Variants in CHST11 observed in about 807,000 individuals in gnomAD.
CHST11 encodes C4S-1.
A neutral mutation model predicts 30.4 loss-of-function variants in CHST11; 9 were observed. The ratio of observed to expected loss-of-function variants is 0.30; its 90% confidence interval spans 0.18 to 0.52. The LOEUF (loss-of-function observed/expected upper bound fraction) is 0.52, where lower values mean the gene tolerates loss of function less well. Ranked by LOEUF, CHST11 falls within the 20% of genes least tolerant of loss-of-function variation. CHST11 has a pLI of 0.97. For missense variants in CHST11, 348 were observed against 460.6 expected (o/e 0.76, Z 2.24); for synonymous variants, 152 against 187.8 (o/e 0.81, Z 1.56).
rs2037377921 is a variant in CHST11 at position 104,458,525 on chromosome 12, C to T, written c.118+996C>T. Among the ~76,000 whole-genome samples the T allele has an allele frequency of 6.6e-6, 1 of 152,064 alleles. No homozygotes were observed. The highest frequency in any genetic ancestry group is 1.5e-5 in the Non-Finnish European group (1 of 67,994). On this transcript the variant is annotated intron_variant, in intron 1 of 2. Transcript: ENST00000303694. This position sits in a 1 kb window ranked among gnomAD's most constrained non-coding sequence, Gnocchi z 5.7. The stretch of plus-strand genomic sequence containing the variant: ...GGAGAGGGAGGGGCGCCCTCGAGCG[C>T]GGCGGCCGGGGGTGAGCAGCTCGGC...
chr12:104,579,206 A>G (rs991779383), intron 1 of CHST11, among the ~76,000 whole-genome samples: 3 of 152,184 alleles, frequency 2.0e-5, no homozygotes, highest in African/African-American at 7.2e-5. Flanking sequence ...GGCTCCTAGT[A>G]CCATGTGGTT....
chr12:104,504,490 ACT>A (rs934070052), intron 1 of CHST11, among the ~76,000 whole-genome samples: 1 of 151,830 alleles, frequency 6.6e-6, no homozygotes, highest in Non-Finnish European at 1.5e-5. Flanking sequence ...GAGTCTGAGG[ACT>A]CTCTCGGGTC....
At chr12:104,566,067 C>G (rs2038563374) in intron 1 of CHST11, among the ~76,000 whole-genome samples, 1 of 152,220 alleles carries the variant, frequency 6.6e-6, no homozygotes, top group Non-Finnish European at 1.5e-5. Flanking sequence ...ACTCAGCCTT[C>G]TGGAGTATGT....
rs10778342 is a variant in CHST11 at position 104,600,669 on chromosome 12, A to G, written c.119-1237A>G. The stretch of plus-strand genomic sequence containing the variant: ...TAGAGCCAGTATTGAAACCCAGGCT[A>G]TCTGTTCCAGGGAATGTCCTGCTGT... On this transcript the variant is annotated intron_variant, in intron 1 of 2. Transcript: ENST00000303694. The surrounding 1 kb of genome is among the most constrained non-coding windows in gnomAD (Gnocchi z 4.1). 0.81 allele frequency among the ~76,000 whole-genome samples: 122,972 copies of G among 152,074 alleles called. 50,038 individuals carry two copies. The highest frequency in any genetic ancestry group is 0.99 in the East Asian group (5,130 of 5,176).
chr12:104,695,107 A>G (rs1043850578), intron 2 of CHST11, among the ~76,000 whole-genome samples: 1 of 152,234 alleles, frequency 6.6e-6, no homozygotes, highest in African/African-American at 2.4e-5. Context: ...ATCATTTGGC[A>G]GGAACACGTG....
At chr12:104,518,030 G>A (rs1361206920) in intron 1 of CHST11, among the ~76,000 whole-genome samples, 5 of 152,048 alleles carry the variant, frequency 3.3e-5, no homozygotes, top group Admixed American at 2.6e-4. Context: ...GGTGGCTCAC[G>A]CCTGTAATCC....
intron 2 of CHST11, among the ~76,000 whole-genome samples, chr12:104,634,182 A>G (rs1187560063): frequency 3.3e-5 from 5 of 152,198 alleles, no homozygotes; most frequent in Non-Finnish European, 7.3e-5. Context: ...CTTCTCCACT[A>G]GACTGGAAGC....
intron 1 of CHST11, among the ~76,000 whole-genome samples, chr12:104,494,243 C>G (rs951470841): frequency 6.6e-6 from 1 of 152,132 alleles, no homozygotes; most frequent in Non-Finnish European, 1.5e-5. Context: ...GATGCCGTGC[C>G]GATGAGAGAC....
chr12:104,577,736 G>T (rs1315843495), intron 1 of CHST11, among the ~76,000 whole-genome samples: 1 of 152,160 alleles, frequency 6.6e-6, no homozygotes, highest in East Asian at 1.9e-4. Flanking sequence ...TGTGTGTCGG[G>T]TAAGGGCAGC....
chr12:104,657,039 G>A (rs1175252886), intron 2 of CHST11, among the ~76,000 whole-genome samples: 7 of 151,250 alleles, frequency 4.6e-5, no homozygotes, highest in East Asian at 3.9e-4. Flanking sequence ...TGAAGAAAGC[G>A]TGGCATTGGG....
chr12:104,625,378 C>T (rs2039203523), intron 2 of CHST11, among the ~76,000 whole-genome samples: 1 of 152,140 alleles, frequency 6.6e-6, no homozygotes, highest in Non-Finnish European at 1.5e-5. Flanking sequence ...GGTGTCAGGT[C>T]ACTGCAACCT....
intron 1 of CHST11, among the ~76,000 whole-genome samples, chr12:104,593,056 T>A (rs61938598): frequency 0.016 from 2,373 of 152,320 alleles, 37 homozygotes; most frequent in Non-Finnish European, 0.025. Context: ...TGGATGAAGC[T>A]GCATCTTTTC....
At chr12:104,550,328 T>A (rs989732172) in intron 1 of CHST11, among the ~76,000 whole-genome samples, 1 of 152,202 alleles carries the variant, frequency 6.6e-6, no homozygotes, top group Non-Finnish European at 1.5e-5. Context: ...GGATATTCAG[T>A]CATCAGCCAA....
chr12:104,594,740 T>C (rs903751440), intron 1 of CHST11, among the ~76,000 whole-genome samples: 6 of 152,150 alleles, frequency 3.9e-5, no homozygotes, highest in African/African-American at 1.4e-4. Flanking sequence ...GAGGATTGCT[T>C]GAATGCAGGA....
At chr12:104,670,831 TCACA>T (rs1566031615) in intron 2 of CHST11, among the ~76,000 whole-genome samples, 2 of 143,520 alleles carry the variant, frequency 1.4e-5, no homozygotes, top group Admixed American at 6.9e-5. Context: ...ACATACATTC[TCACA>T]CACACTCCCA....
Position 104,757,824 on chromosome 12 carries a change from G to T in CHST11, c.*21G>T. 6.4e-7 allele frequency: 1 copy of T among 1,571,022 alleles called. No homozygotes were observed. Among genetic ancestry groups the T allele is most frequent in the Non-Finnish European group, 8.6e-7 (1 of 1,160,090 alleles). On this transcript the variant is annotated 3_prime_UTR_variant, in exon 3 of 3. Transcript: ENST00000303694. The surrounding 1 kb of genome is among the most constrained non-coding windows in gnomAD (Gnocchi z 6.5). ...AATAAAGGGGGTGGGGAGAGGGAGAGAATCATGCTTTTTAATTTAAGATTT... is the reference window on the plus strand; with the variant it reads ...AATAAAGGGGGTGGGGAGAGGGAGATAATCATGCTTTTTAATTTAAGATTT...
At position 104,603,103 on chromosome 12, in the gene CHST11, C is replaced by T. The variant is rs541316678; in HGVS notation, c.204+1112C>T. 1.2e-4 allele frequency among the ~76,000 whole-genome samples: 19 copies of T among 152,184 alleles called. No individual in the cohort carries two copies. The South Asian group carries it at 4.0e-3, about 32-fold the overall frequency. On this transcript the variant is annotated intron_variant, in intron 2 of 2. Coordinates refer to ENST00000303694, the MANE Select transcript of CHST11 (RefSeq NM_018413.6). ...TGCCTGAGGCTTCCTGTACTGGGTT[C>T]GGTGGTGACTCAGTGGGGAATTTGA...
In CHST11 at chr12:104,746,262, C is replaced by G. The variant is rs371186386; in HGVS notation, c.205-10687C>G. On this transcript the variant is annotated intron_variant, in intron 2 of 2. Transcript: ENST00000303694. ...TCTATTTCCTGATGGTTCTGGAGAG[C>G]CTTTGAGTTTGTGACTCTAACCCAG... 1.2e-3 allele frequency among the ~76,000 whole-genome samples: 176 copies of G among 152,302 alleles called. 2 individuals carry two copies. The highest frequency in any genetic ancestry group is 4.1e-3 in the African/African-American group (172 of 41,560).
intron 2 of CHST11, among the ~76,000 whole-genome samples, chr12:104,660,246 G>C (rs1045791899): frequency 2.6e-5 from 4 of 152,166 alleles, no homozygotes; most frequent in African/African-American, 9.7e-5. Context: ...GCCCCAGAAA[G>C]GTCTCCTGGG....
Sources: allele counts gnomAD v4.1 joint callset (sites outside exome capture counted in the v4.1 genomes callset), GRCh38; gene constraint gnomAD v4.1.1; non-coding constraint Gnocchi (gnomAD v3.1); transcripts MANE v1.5; gene names NCBI Gene and HGNC (gene_info 2026-07-23, HGNC 2026-07-21).